FAM133B: variants seen among roughly 807,000 people sequenced by gnomAD.
The protein encoded by FAM133B is protein FAM133B.
FAM133B carries 25 observed loss-of-function variants against 46.4 expected under a neutral mutation model. The ratio of observed to expected loss-of-function variants is 0.54; its 90% CI spans 0.39 to 0.75. FAM133B has a LOEUF of 0.75. FAM133B is among the 30% of genes least tolerant of loss of function. FAM133B has a pLI of 0.00. For missense variants in FAM133B, 205 were observed against 277.6 expected (o/e 0.74, Z 1.86); for synonymous variants, 75 against 86.0 (o/e 0.87, Z 0.71).
chr7:92,589,906 G>C, intron 1 of FAM133B: 1 of 339,488 alleles, frequency 2.9e-6, no homozygotes, highest in Non-Finnish European at 5.5e-6. Flanking sequence ...TGCGTCCAAG[G>C]GCCTAAGTCT....
intron 8 of FAM133B, among the ~76,000 whole-genome samples, chr7:92,573,513 T>C (rs1317025746): frequency 6.6e-6 from 1 of 152,080 alleles, no homozygotes; most frequent in Non-Finnish European, 1.5e-5. Flanking sequence ...ATGTAAATCA[T>C]TTATTAATTC....
intron 9 of FAM133B, among the ~76,000 whole-genome samples, chr7:92,567,270 G>A (rs115288424): frequency 0.012 from 1,814 of 152,196 alleles, 51 homozygotes; most frequent in African/African-American, 0.042. Flanking sequence ...ATAAACTTTC[G>A]TATTACATGT....
chr7:92,586,569 T>G lies in FAM133B; in HGVS notation c.24+3699A>C, dbSNP rs1795043387. On this transcript the variant is annotated intron_variant, in intron 1 of 10. Coordinates refer to ENST00000445716, the MANE Select transcript of FAM133B (RefSeq NM_152789.4). ...ATTATAAACACTGTGACCTTGTAAA[T>G]CAAACATTCACATCCATATGTAACT... Among the ~76,000 whole-genome samples the G allele has an allele frequency of 2.6e-5, 4 of 152,308 alleles. No individual in the cohort carries two copies. In the South Asian group the frequency reaches 8.3e-4, roughly 32 times the overall value.
In FAM133B at chr7:92,575,786, T is replaced by A; in HGVS notation, c.501A>T (p.Gly167=). 7.2e-7 allele frequency: 1 copy of A among 1,380,726 alleles called. No homozygotes were observed. 85.5% of individuals were successfully genotyped at this position (1,380,726 alleles called of 1,614,324 possible). ...GTATAGTTACCTTTTCTTTCTCAGT[T>A]CCATCTTTTGACTTCTTTTTCTTTT... The part of the protein sequence containing the change: ...SLKKKKKSKD[G]TEKEKDIKGL... Residue 167 remains glycine, a synonymous_variant, in exon 8 of 11, where the codon GGA becomes GGT. Transcript: ENST00000445716.
At chr7:92,583,018 T>G (rs987395563) in intron 1 of FAM133B, among the ~76,000 whole-genome samples, 1 of 152,206 alleles carries the variant, frequency 6.6e-6, no homozygotes, top group African/African-American at 2.4e-5. Flanking sequence ...AACAGATACT[T>G]GTACACAAAT....
At chr7:92,567,877 C>T (rs1794409536) in intron 9 of FAM133B, among the ~76,000 whole-genome samples, 1 of 151,992 alleles carries the variant, frequency 6.6e-6, no homozygotes, top group Non-Finnish European at 1.5e-5. Flanking sequence ...GATTCTCCTG[C>T]CTCAGCCTCC....
At chr7:92,582,062 G>C (rs1361718385) in intron 1 of FAM133B, among the ~76,000 whole-genome samples, 1 of 151,958 alleles carries the variant, frequency 6.6e-6, no homozygotes, top group Non-Finnish European at 1.5e-5. Context: ...CAGCCTGGCC[G>C]ACGTGGTGAA....
chr7:92,590,047 G>A lies in FAM133B; in HGVS notation c.24+221C>T, dbSNP rs1158313363. On this transcript the variant is annotated intron_variant, in intron 1 of 10. Coordinates refer to ENST00000445716, the MANE Select transcript of FAM133B (RefSeq NM_152789.4). ...AGCGCCAGAAAGAGCGACGAGGTGA[G>A]GGAAGAAAAAAGGGGCGGGCAAGAG... 15 of 619,286 alleles carry A rather than the reference G, an allele frequency of 2.4e-5. No homozygotes were observed. In the East Asian group the frequency reaches 3.5e-4, roughly 14 times the overall value. 38.4% of individuals were successfully genotyped at this position (619,286 alleles called of 1,614,324 possible).
intron 8 of FAM133B, among the ~76,000 whole-genome samples, chr7:92,574,236 C>T (rs959882287): frequency 6.6e-6 from 1 of 152,184 alleles, no homozygotes; most frequent in African/African-American, 2.4e-5. Context: ...CGGAATATTA[C>T]TTAGCCATAC....
chr7:92,566,693 G>C (rs1228908471), intron 9 of FAM133B, among the ~76,000 whole-genome samples: 1 of 152,210 alleles, frequency 6.6e-6, no homozygotes, highest in East Asian at 1.9e-4. Flanking sequence ...TCCAAGGTCT[G>C]AATCCTATCT....
chr7:92,568,317 A>C (rs941163951), intron 9 of FAM133B, among the ~76,000 whole-genome samples: 5 of 151,756 alleles, frequency 3.3e-5, no homozygotes, highest in Admixed American at 6.6e-5. Context: ...TACAGCCTGC[A>C]TTTTGTTTTT....
intron 1 of FAM133B, among the ~76,000 whole-genome samples, chr7:92,589,068 C>T (rs755594529): frequency 4.6e-5 from 7 of 152,226 alleles, no homozygotes; most frequent in Non-Finnish European, 1.0e-4. Flanking sequence ...GTTAAGTCTC[C>T]TTTGGTGTGA....
chr7:92,577,775 A>T, intron 5 of FAM133B, 58 bp from the exon 6 acceptor site: 1 of 1,374,958 alleles, frequency 7.3e-7, no homozygotes, highest in Non-Finnish European at 1.0e-6. Context: ...TTTCTTTTAC[A>T]AAGTCTCTCA....
chr7:92,587,296 C>T (rs566977591), intron 1 of FAM133B, among the ~76,000 whole-genome samples: 8 of 152,290 alleles, frequency 5.3e-5, no homozygotes, highest in South Asian at 4.1e-4. Flanking sequence ...AATATTTTCA[C>T]AAGCAAATAT....
intron 9 of FAM133B, among the ~76,000 whole-genome samples, chr7:92,568,400 C>T (rs1794429359): frequency 6.6e-6 from 1 of 152,086 alleles, no homozygotes; most frequent in Non-Finnish European, 1.5e-5. Context: ...TCTTGTTGCC[C>T]AGGCTGGAGT....
At chr7:92,587,929 T>C (rs1235207458) in intron 1 of FAM133B, among the ~76,000 whole-genome samples, 2 of 152,002 alleles carry the variant, frequency 1.3e-5, no homozygotes, top group African/African-American at 2.4e-5. Flanking sequence ...GTAAACGGGA[T>C]ATCTTTGTAC....
intron 7 of FAM133B, 47 bp from the exon 8 acceptor site, chr7:92,575,868 C>A: frequency 1.1e-6 from 1 of 879,752 alleles, no homozygotes; most frequent in Non-Finnish European, 1.8e-6. Context: ...AAGGACACAG[C>A]ATTACAGAAC....
intron 1 of FAM133B, among the ~76,000 whole-genome samples, chr7:92,588,814 C>T (rs958678205): frequency 1.6e-4 from 25 of 152,174 alleles, no homozygotes; most frequent in African/African-American, 5.8e-4. Flanking sequence ...AGCAACTCTC[C>T]CCGTCCCTCT....
chr7:92,573,159 G>C (rs990154581), intron 8 of FAM133B, among the ~76,000 whole-genome samples: 2 of 149,962 alleles, frequency 1.3e-5, no homozygotes, highest in African/African-American at 4.9e-5. Flanking sequence ...TGATAGTTTG[G>C]GGACTTTTTT....
Sources: allele counts gnomAD v4.1 joint callset (sites outside exome capture counted in the v4.1 genomes callset), GRCh38; gene constraint gnomAD v4.1.1; transcripts MANE v1.5; gene names NCBI Gene and HGNC (gene_info 2026-07-23, HGNC 2026-07-21).